SOX4: variants seen among roughly 807,000 people sequenced by gnomAD.
The protein encoded by SOX4 is SRY-box transcription factor 4.
For synonymous variants in SOX4, 465 were observed against 348.4 expected, an observed-to-expected ratio of 1.33 and a Z score of -3.73; for missense variants, 662 against 694.9, an observed-to-expected ratio of 0.95 and a Z score of 0.53.
Position 21,595,213 on chromosome 6 carries a change from G to T in SOX4, c.679G>T (p.Gly227Trp). 1.6e-6 allele frequency: 2 copies of T among 1,242,070 alleles called. No homozygotes were observed. Among genetic ancestry groups the T allele is most frequent in the East Asian group, 6.4e-5 (2 of 31,486 alleles). The allele number at this position is 1,242,070 out of a possible 1,614,324, so 76.9% of individuals were successfully genotyped here. A position where few individuals can be genotyped will look rare whatever the true frequency, so the allele number is the denominator to read the frequency against. The change falls in exon 1 of 1, where the codon GGG (glycine) becomes TGG (tryptophan). Residue 227 changes from glycine to tryptophan, a missense_variant. Coordinates refer to ENST00000244745, the MANE Select transcript of SOX4 (RefSeq NM_003107.3). The part of the protein sequence containing the change: ...KLILAGGGGG[G>W]KAAAAAAASF... ...CATCCTGGCAGGCGGCGGCGGCGGC[G>T]GGAAAGCAGCGGCTGCCGCCGCCGC...
rs936036001 is a variant in SOX4 at position 21,594,957 on chromosome 6, C to T, written c.423C>T (p.Ser141=). The T allele has an allele frequency of 4.4e-6, 7 of 1,606,052 alleles. No individual in the cohort carries two copies. The South Asian group carries it at 4.4e-5, about 10-fold the overall frequency. ...RKKVKSGNAN[S]SSSAAASSKP... ...AGGTGAAGTCCGGCAACGCCAACTC[C>T]AGCTCCTCGGCCGCCGCCTCCTCCA... The change falls in exon 1 of 1, where the codon TCC becomes TCT. Residue 141 remains serine (S), a synonymous_variant. Coordinates refer to ENST00000244745, the MANE Select transcript of SOX4 (RefSeq NM_003107.3).
Position 21,594,610 on chromosome 6 carries a change from C to A in SOX4, c.76C>A (p.Leu26Ile), listed in dbSNP as rs773678265. 7 of 1,608,886 alleles carry A rather than the reference C, an allele frequency of 4.4e-6. No individual in the cohort carries two copies. The highest frequency in any genetic ancestry group is 5.1e-6 in the Non-Finnish European group (6 of 1,178,590). ...CGAGAGCTCGGACTCGGGCGCCGGC[C>A]TCGAGCTGGGAATCGCCTCCTCCCC... ...AGESSDSGAG[L>I]ELGIASSPTP... The change falls in exon 1 of 1, where the codon CTC becomes ATC. Residue 26 changes from leucine (L) to isoleucine (I), a missense_variant. Leu to Ile is a conservative substitution (Grantham distance 5). Coordinates refer to ENST00000244745, the MANE Select transcript of SOX4 (RefSeq NM_003107.3).
rs1561757732 is a variant in SOX4 at position 21,595,628 on chromosome 6, G to GCGC, written c.1099_1101dup (p.Ala367dup). 1 of 1,382,732 alleles carries GCGC rather than the reference G, an allele frequency of 7.2e-7. No homozygotes were observed. Among genetic ancestry groups the GCGC allele is most frequent in the Admixed American group, 2.6e-5 (1 of 38,366 alleles). 85.7% of individuals were successfully genotyped at this position (1,382,732 alleles called of 1,614,324 possible). A position where few individuals can be genotyped will look rare whatever the true frequency, so the allele number is the denominator to read the frequency against. ...GACCACCGCGGCTACGCCAGCCTGCGCGCCGCCTCGCCCGCCCCGTCCAGC... is the reference window on the plus strand; with the variant it reads ...GACCACCGCGGCTACGCCAGCCTGCGCGCCGCCGCCTCGCCCGCCCCGTCCAGC... On this transcript the variant is annotated inframe_insertion, in exon 1 of 1. Transcript: ENST00000244745.
Position 21,594,832 on chromosome 6 carries a change from C to T in SOX4, c.298C>T (p.Leu100Phe). The change falls in exon 1 of 1, where the codon CTC becomes TTC. Residue 100 changes from leucine (L) to phenylalanine (F), a missense_variant. Leu to Phe is a conservative substitution (Grantham distance 22). Coordinates refer to ENST00000244745, the MANE Select transcript of SOX4 (RefSeq NM_003107.3). Reference protein sequence around the residue: ...SKRLGKRWKLLKDSDKIPFIR... With the variant: ...SKRLGKRWKLFKDSDKIPFIR... ...GCGGCTGGGCAAACGCTGGAAGCTG[C>T]TCAAAGACAGCGACAAGATCCCTTT... The T allele has an allele frequency of 1.2e-6, 2 of 1,610,874 alleles. No individual in the cohort carries two copies. Among genetic ancestry groups the T allele is most frequent in the African/African-American group, 1.3e-5 (1 of 75,050 alleles).
chr6:21,597,281 T>C lies in SOX4; in HGVS notation c.*1322T>C, dbSNP rs1763187965. The C allele has an allele frequency of 6.0e-6, 1 of 166,990 alleles. No homozygotes were observed. The allele number at this position is 166,990 out of a possible 1,614,324, so 10.3% of individuals were successfully genotyped here. On this transcript the variant is annotated 3_prime_UTR_variant, in exon 1 of 1. Transcript: ENST00000244745. ...TTTAAAAAAACAATTCAGGACCAAA[T>C]TTTTTCTCAGTGTGTGTGTTTATTC...
In SOX4 at chr6:21,596,922, T is replaced by G. The variant is rs1763179029; in HGVS notation, c.*963T>G. ...GCGTGGAGGAGAGGAGACTGTTTGA[T>G]GTGGTACAGGGGCAGTCAGTGGAGG... On this transcript the variant is annotated 3_prime_UTR_variant, in exon 1 of 1. Coordinates refer to ENST00000244745, the MANE Select transcript of SOX4 (RefSeq NM_003107.3). The G allele has an allele frequency of 6.4e-6, 1 of 156,844 alleles. No individual in the cohort carries two copies. Among genetic ancestry groups the G allele is most frequent in the African/African-American group, 2.7e-5 (1 of 37,620 alleles). The allele number at this position is 156,844 out of a possible 1,614,324, so 9.7% of individuals were successfully genotyped here. A position where few individuals can be genotyped will look rare whatever the true frequency, so the allele number is the denominator to read the frequency against.
At position 21,598,264 on chromosome 6, in the gene SOX4, TG is replaced by T. The variant is rs988470093; in HGVS notation, c.*2306del. The T allele has an allele frequency of 6.0e-6, 1 of 167,052 alleles. No individual in the cohort carries two copies. Among genetic ancestry groups the T allele is most frequent in the African/African-American group, 2.4e-5 (1 of 41,452 alleles). The allele number at this position is 167,052 out of a possible 1,614,324, so 10.3% of individuals were successfully genotyped here. On this transcript the variant is annotated 3_prime_UTR_variant, in exon 1 of 1. Transcript: ENST00000244745. ...GTTTATAGCTGTTGTGTTTAAAAAT[TG>T]AAAAAAGTGGAAAACATCTTTGTAC...
rs151231613 is a variant in SOX4 at position 21,594,939 on chromosome 6, G to A, written c.405G>A (p.Lys135=). The A allele has an allele frequency of 8.9e-5, 144 of 1,611,352 alleles. No individual in the cohort carries two copies. In the African/African-American group the frequency reaches 1.6e-3, roughly 18 times the overall value. Residue 135 remains lysine (K), a synonymous_variant, in exon 1 of 1, where the codon AAG becomes AAA. Coordinates refer to ENST00000244745, the MANE Select transcript of SOX4 (RefSeq NM_003107.3). ...DYKYRPRKKV[K]SGNANSSSSA... is the part of the protein sequence containing the mutation. ...AGTACCGGCCCAGGAAGAAGGTGAA[G>A]TCCGGCAACGCCAACTCCAGCTCCT...
rs1005139325 is a variant in SOX4 at position 21,596,060 on chromosome 6, A to G, written c.*101A>G. 287 of 1,373,474 alleles carry G rather than the reference A, an allele frequency of 2.1e-4. No individual in the cohort carries two copies. Among genetic ancestry groups the G allele is most frequent in the Non-Finnish European group, 2.6e-4 (280 of 1,060,418 alleles). 85.1% of individuals were successfully genotyped at this position (1,373,474 alleles called of 1,614,324 possible). A position where few individuals can be genotyped will look rare whatever the true frequency, so the allele number is the denominator to read the frequency against. On this transcript the variant is annotated 3_prime_UTR_variant, in exon 1 of 1. Transcript: ENST00000244745. ...GACAGACGAAGAGTTTAAAGAGAAA[A>G]GGGAAAAAAGAAAGAAAAAGTAAGC...
At position 21,595,559 on chromosome 6, in the gene SOX4, G is replaced by A. The variant is rs1010047255; in HGVS notation, c.1025G>A (p.Arg342His). 16 of 1,199,606 alleles carry A rather than the reference G, an allele frequency of 1.3e-5. No homozygotes were observed. Among genetic ancestry groups the A allele is most frequent in the African/African-American group, 6.4e-5 (4 of 62,530 alleles). 74.3% of individuals were successfully genotyped at this position (1,199,606 alleles called of 1,614,324 possible). The change falls in exon 1 of 1, where the codon CGC becomes CAC. Residue 342 changes from arginine (R) to histidine (H), a missense_variant. By Grantham distance (29) the Arg-to-His change is conservative. Transcript: ENST00000244745. ...CSPDAPSLSGRSSAASSPAAG... is the reference protein window; with the variant it reads ...CSPDAPSLSGHSSAASSPAAG... Reference sequence around the variant, plus strand: ...CCCGACGCGCCCAGCCTGAGCGGCCGCAGCAGCGCCGCCTCGTCCCCCGCC... The same window carrying A: ...CCCGACGCGCCCAGCCTGAGCGGCCACAGCAGCGCCGCCTCGTCCCCCGCC...
chr6:21,593,817 G>A lies in SOX4; in HGVS notation c.-718G>A, dbSNP rs1206903185. 1 of 152,202 alleles carries A rather than the reference G, an allele frequency of 6.6e-6. No individual in the cohort carries two copies. The highest frequency in any genetic ancestry group is 1.9e-4 in the East Asian group (1 of 5,200). 9.4% of individuals were successfully genotyped at this position (152,202 alleles called of 1,614,324 possible). ...GGCCTGTTTCGCTGTCGGGTCTCTA[G>A]TTCTTGCACGCTCTTTAAGAGTCTG... is the stretch of plus-strand genomic sequence containing the variant. On this transcript the variant is annotated 5_prime_UTR_variant, in exon 1 of 1. Coordinates refer to ENST00000244745, the MANE Select transcript of SOX4 (RefSeq NM_003107.3).
In SOX4 at chr6:21,594,452, C is replaced by T. The variant is rs1007480048; in HGVS notation, c.-83C>T. On this transcript the variant is annotated 5_prime_UTR_variant, in exon 1 of 1. Transcript: ENST00000244745. ...TCTTCCCGTTCGGCGTGTGCTTGGC[C>T]CGGGGAACCGGGAGGGCCCGGCGAT... The T allele has an allele frequency of 8.2e-6, 11 of 1,340,614 alleles. No homozygotes were observed. Among genetic ancestry groups the T allele is most frequent in the Non-Finnish European group, 8.5e-6 (9 of 1,054,408 alleles). The allele number at this position is 1,340,614 out of a possible 1,614,324, so 83.0% of individuals were successfully genotyped here.
rs1182110233 is a variant in SOX4 at position 21,595,096 on chromosome 6, G to A, written c.562G>A (p.Gly188Ser). 1.4e-6 allele frequency: 2 copies of A among 1,404,804 alleles called. No individual in the cohort carries two copies. The highest frequency in any genetic ancestry group is 3.4e-5 in the Admixed American group (1 of 29,120). 87.0% of individuals were successfully genotyped at this position (1,404,804 alleles called of 1,614,324 possible). A position where few individuals can be genotyped will look rare whatever the true frequency, so the allele number is the denominator to read the frequency against. Residue 188 changes from glycine (G) to serine (S), a missense_variant, in exon 1 of 1, where the codon GGC (glycine) becomes AGC (serine). Physicochemically the swap from Gly to Ser is moderately conservative, Grantham distance 56 (BLOSUM62 0). Coordinates refer to ENST00000244745, the MANE Select transcript of SOX4 (RefSeq NM_003107.3). ...GGGGGGASGG[G>S]ANSKPAQKKS... ...AGGAGGCGGCGGTGCGAGTGGCGGC[G>A]GCGCCAACTCCAAACCGGCGCAGAA... is the stretch of plus-strand genomic sequence containing the variant.
chr6:21,596,796 G>A lies in SOX4; in HGVS notation c.*837G>A, dbSNP rs560757796. The A allele has an allele frequency of 6.0e-6, 1 of 167,030 alleles. No homozygotes were observed. The highest frequency in any genetic ancestry group is 2.1e-4 in the South Asian group (1 of 4,812). 10.3% of individuals were successfully genotyped at this position (167,030 alleles called of 1,614,324 possible). On this transcript the variant is annotated 3_prime_UTR_variant, in exon 1 of 1. Transcript: ENST00000244745. ...CTGGAAGGGGGTTCACGGTCAAACT[G>A]AAATGGATTTGCACGTTGGGGAGCT...
Position 21,598,428 on chromosome 6 carries a change from C to T in SOX4, c.*2469C>T, listed in dbSNP as rs1459246189. The T allele has an allele frequency of 6.0e-6, 1 of 166,994 alleles. No homozygotes were observed. The highest frequency in any genetic ancestry group is 2.4e-5 in the African/African-American group (1 of 41,420). 10.3% of individuals were successfully genotyped at this position (166,994 alleles called of 1,614,324 possible). A position where few individuals can be genotyped will look rare whatever the true frequency, so the allele number is the denominator to read the frequency against. On this transcript the variant is annotated 3_prime_UTR_variant, in exon 1 of 1. Transcript: ENST00000244745. ...TTTTAAACTTTTTTTTGCCATCCAT[C>T]CTGTGCAATATGCCGTGTAGAATAT...
In SOX4 at chr6:21,594,606, C is replaced by T; in HGVS notation, c.72C>T (p.Ala24=). The T allele has an allele frequency of 6.2e-7, 1 of 1,608,496 alleles. No homozygotes were observed. Among genetic ancestry groups the T allele is most frequent in the Non-Finnish European group, 8.5e-7 (1 of 1,178,440 alleles). Residue 24 remains alanine, a synonymous_variant, in exon 1 of 1, where the codon GCC becomes GCT. Transcript: ENST00000244745. ...LLAGESSDSG[A]GLELGIASSP... ...CCGGCGAGAGCTCGGACTCGGGCGC[C>T]GGCCTCGAGCTGGGAATCGCCTCCT...
In SOX4 at chr6:21,596,492, T is replaced by C. The variant is rs959386487; in HGVS notation, c.*533T>C. ...GAACCCAGCGCACCCCTCCCCCCCTTTTTTTAAACGCGTGATGAAGACAGA... is the reference window on the plus strand; with the variant it reads ...GAACCCAGCGCACCCCTCCCCCCCTCTTTTTAAACGCGTGATGAAGACAGA... On this transcript the variant is annotated 3_prime_UTR_variant, in exon 1 of 1. Coordinates refer to ENST00000244745, the MANE Select transcript of SOX4 (RefSeq NM_003107.3). 3.0e-5 allele frequency: 5 copies of C among 167,086 alleles called. No individual in the cohort carries two copies. Among genetic ancestry groups the C allele is most frequent in the African/African-American group, 1.2e-4 (5 of 41,432 alleles). The allele number at this position is 167,086 out of a possible 1,614,324, so 10.4% of individuals were successfully genotyped here. A position where few individuals can be genotyped will look rare whatever the true frequency, so the allele number is the denominator to read the frequency against.
chr6:21,594,821 G>A lies in SOX4; in HGVS notation c.287G>A (p.Arg96His). 1 of 1,609,840 alleles carries A rather than the reference G, an allele frequency of 6.2e-7. No individual in the cohort carries two copies. The highest frequency in any genetic ancestry group is 8.5e-7 in the Non-Finnish European group (1 of 1,178,218). ...GAGATCTCCAAGCGGCTGGGCAAAC[G>A]CTGGAAGCTGCTCAAAGACAGCGAC... Reference protein sequence around the residue: ...NAEISKRLGKRWKLLKDSDKI... With the variant: ...NAEISKRLGKHWKLLKDSDKI... The change falls in exon 1 of 1, where the codon CGC becomes CAC. Residue 96 changes from arginine to histidine, a missense_variant. Transcript: ENST00000244745.
chr6:21,595,083 TGCGAGTGGCGGCGGC>T lies in SOX4; in HGVS notation c.552_566del (p.Ser185_Ala189del). 1 of 1,404,536 alleles carries T rather than the reference TGCGAGTGGCGGCGGC, an allele frequency of 7.1e-7. No individual in the cohort carries two copies. The highest frequency in any genetic ancestry group is 2.8e-5 in the East Asian group (1 of 35,100). The allele number at this position is 1,404,536 out of a possible 1,614,324, so 87.0% of individuals were successfully genotyped here. ...GCAACGCGGGGGGAGGAGGCGGCGGTGCGAGTGGCGGCGGCGCCAACTCCAAACCGGCGCAGAAAA... is the reference window on the plus strand; with the variant it reads ...GCAACGCGGGGGGAGGAGGCGGCGGTGCCAACTCCAAACCGGCGCAGAAAA... On this transcript the variant is annotated inframe_deletion, in exon 1 of 1. Coordinates refer to ENST00000244745, the MANE Select transcript of SOX4 (RefSeq NM_003107.3).
Sources: allele counts gnomAD v4.1 joint callset, GRCh38; gene constraint gnomAD v4.1.1; transcripts MANE v1.5; gene names NCBI Gene and HGNC (gene_info 2026-07-23, HGNC 2026-07-21).